DNM3: variants seen among roughly 807,000 people sequenced by gnomAD.
DNM3 encodes dynamin 3.
Under a neutral mutation model 101.6 loss-of-function variants are expected in DNM3, and 47 were observed. That is an observed-to-expected ratio of 0.46 (90% CI 0.37 to 0.59). The LOEUF (loss-of-function observed/expected upper bound fraction) is 0.59. DNM3 is among the 20% of genes least tolerant of loss of function. The pLI is 0.00. For missense variants in DNM3, 849 were observed against 1,085.7 expected (o/e 0.78, Z 3.06); for synonymous variants, 385 against 387.9 (o/e 0.99, Z 0.09).
At chr1:172,163,201 C>T (rs1360719195) in intron 14 of DNM3, among the ~76,000 whole-genome samples, 1 of 150,818 alleles carries the variant, frequency 6.6e-6, no homozygotes, top group African/African-American at 2.4e-5. Context: ...GAGATCTAGT[C>T]TCTTAGCAAA....
intron 1 of DNM3, among the ~76,000 whole-genome samples, chr1:171,896,098 C>T: frequency 6.6e-6 from 1 of 152,116 alleles, no homozygotes. Context: ...GTTCTTTTTG[C>T]TTAGGATTGT....
Position 172,066,521 on chromosome 1 carries a change from A to G in DNM3, c.1336-2298A>G, listed in dbSNP as rs2051680521. Reference sequence around the variant, plus strand: ...CCATAACCTATTAATCCATTAGTCCATGAATGGATTAATCCACTCATGATG... The same window carrying G: ...CCATAACCTATTAATCCATTAGTCCGTGAATGGATTAATCCACTCATGATG... On this transcript the variant is annotated intron_variant, in intron 10 of 20. Coordinates refer to ENST00000627582, the MANE Select transcript of DNM3 (RefSeq NM_015569.5). Among the ~76,000 whole-genome samples, 2 of 152,084 alleles carry G rather than the reference A, an allele frequency of 1.3e-5. 1 individual carries two copies. The highest frequency in any genetic ancestry group is 4.2e-4 in the South Asian group (2 of 4,812).
chr1:172,131,381 G>A, intron 14 of DNM3, 93 bp downstream of exon 14: 1 of 1,053,612 alleles, frequency 9.5e-7, no homozygotes, highest in South Asian at 1.5e-5. Flanking sequence ...TGAGACACCA[G>A]TGGTTCTCTT....
At chr1:172,417,367 T>A (rs1257325656), downstream of DNM3, among the ~76,000 whole-genome samples, 2 of 152,216 alleles carry the variant, frequency 1.3e-5, no homozygotes, top group Non-Finnish European at 2.9e-5. Flanking sequence ...AATGTAGGGT[T>A]TACTGTATTT....
intron 17 of DNM3, chr1:172,376,645 A>C (rs1314686151): frequency 6.6e-6 from 1 of 152,086 alleles, no homozygotes; most frequent in Non-Finnish European, 1.5e-5. Context: ...TTCTAAAATG[A>C]GGAAATAAAT....
chr1:172,239,310 T>C (rs1168725060), intron 14 of DNM3, among the ~76,000 whole-genome samples: 1 of 152,140 alleles, frequency 6.6e-6, no homozygotes, highest in East Asian at 1.9e-4. Flanking sequence ...CTGTTGTAAA[T>C]ACATTGAAGA....
intron 20 of DNM3, among the ~76,000 whole-genome samples, chr1:172,391,376 C>T (rs990320828): frequency 6.6e-6 from 1 of 152,104 alleles, no homozygotes; most frequent in African/African-American, 2.4e-5. Context: ...GCAAGAAAGA[C>T]TCTGTCAGGA....
At chr1:172,217,322 T>C (rs1572988021) in intron 14 of DNM3, among the ~76,000 whole-genome samples, 2 of 152,108 alleles carry the variant, frequency 1.3e-5, no homozygotes, top group Non-Finnish European at 2.9e-5. Flanking sequence ...AAAAGCTACT[T>C]TCAGAGATCC....
At chr1:172,144,693 CTGCACCAGGGGT>C in intron 14 of DNM3, 1 of 503,002 alleles carries the variant, frequency 2.0e-6, no homozygotes, top group Non-Finnish European at 4.1e-6. Context: ...GCCTCCCTTC[CTGCACCAGGGGT>C]TGCATTCAGC....
At chr1:172,247,666 T>TATTTATTC (rs2148668868) in intron 14 of DNM3, among the ~76,000 whole-genome samples, 1 of 150,418 alleles carries the variant, frequency 6.6e-6, no homozygotes, top group South Asian at 2.1e-4. Context: ...CTTATTTATT[T>TATTTATTC]ATTTATTTAT....
chr1:172,408,057 T>G lies in DNM3; in HGVS notation c.*216T>G. 1 of 1,401,324 alleles carries G rather than the reference T, an allele frequency of 7.1e-7. No homozygotes were observed. The highest frequency in any genetic ancestry group is 2.9e-5 in the Admixed American group (1 of 34,964). 86.8% of individuals were successfully genotyped at this position (1,401,324 alleles called of 1,614,324 possible). A position where few individuals can be genotyped will look rare whatever the true frequency, so the allele number is the denominator to read the frequency against. On this transcript the variant is annotated 3_prime_UTR_variant, in exon 21 of 21. Transcript: ENST00000627582. ...CTGCTAACCTTTTAGAGGCTTTATA[T>G]GTTGTACTGACCAAGGTAGGTTTGT... is the stretch of plus-strand genomic sequence containing the variant.
chr1:171,969,863 T>G (rs978250667), intron 2 of DNM3, among the ~76,000 whole-genome samples: 1 of 152,176 alleles, frequency 6.6e-6, no homozygotes, highest in African/African-American at 2.4e-5. Flanking sequence ...TAGAGGAAAC[T>G]GAGGCACAGA....
At position 171,966,645 on chromosome 1, in the gene DNM3, T is replaced by C. The variant is rs115023167; in HGVS notation, c.236-21011T>C. On this transcript the variant is annotated intron_variant, in intron 2 of 20. Coordinates refer to ENST00000627582, the MANE Select transcript of DNM3 (RefSeq NM_015569.5). ...AGAGTTGTATTACACAATAGAGTCATACACATTCAGAAGTTTGAGAGAAAA... is the reference window on the plus strand; with the variant it reads ...AGAGTTGTATTACACAATAGAGTCACACACATTCAGAAGTTTGAGAGAAAA... Among the ~76,000 whole-genome samples, 663 of 152,282 alleles carry C rather than the reference T, an allele frequency of 4.4e-3. 6 individuals carry two copies. The highest frequency in any genetic ancestry group is 0.015 in the African/African-American group (631 of 41,564).
At chr1:172,280,622 G>A (rs557344034) in intron 15 of DNM3, among the ~76,000 whole-genome samples, 1 of 152,194 alleles carries the variant, frequency 6.6e-6, no homozygotes, top group South Asian at 2.1e-4. Flanking sequence ...ATAATTACAT[G>A]GCACTTTGTA....
intron 17 of DNM3, among the ~76,000 whole-genome samples, chr1:172,354,629 T>C (rs2067360860): frequency 6.6e-6 from 1 of 152,188 alleles, no homozygotes; most frequent in Admixed American, 6.5e-5. Flanking sequence ...CTTCAAAATA[T>C]CTAGGAATAT....
At chr1:172,000,755 A>G (rs1194276737) in intron 4 of DNM3, among the ~76,000 whole-genome samples, 1 of 152,062 alleles carries the variant, frequency 6.6e-6, no homozygotes, top group Non-Finnish European at 1.5e-5. Context: ...AGGGTTTGGT[A>G]GGAAAGTCTC....
chr1:172,021,775 G>A (rs538961114), intron 4 of DNM3, among the ~76,000 whole-genome samples: 2 of 152,286 alleles, frequency 1.3e-5, no homozygotes, highest in South Asian at 4.1e-4. Flanking sequence ...CATCATTGTG[G>A]TTGTTCTTTC....
chr1:172,348,205 C>T (rs1416405601), intron 17 of DNM3, among the ~76,000 whole-genome samples: 1 of 152,076 alleles, frequency 6.6e-6, no homozygotes, highest in African/African-American at 2.4e-5. Flanking sequence ...ATTCCGTATA[C>T]TAAAAGTACA....
At chr1:172,104,737 G>T (rs1039546004) in intron 13 of DNM3, among the ~76,000 whole-genome samples, 2 of 152,138 alleles carry the variant, frequency 1.3e-5, no homozygotes, top group Non-Finnish European at 2.9e-5. Flanking sequence ...CCTACCTTAA[G>T]AGCAGTTAAG....
Sources: gnomAD v4.1 joint callset for allele counts (sites outside exome capture counted in the v4.1 genomes callset) on GRCh38, gnomAD v4.1.1 for gene constraint, MANE v1.5 for transcripts, NCBI Gene and HGNC (gene_info 2026-07-23, HGNC 2026-07-21) for gene names.